KAZN: variants seen among roughly 807,000 people sequenced by gnomAD.
The protein encoded by KAZN is kazrin, periplakin interacting protein.
Under a neutral mutation model 87.4 loss-of-function variants are expected in KAZN, and 40 were observed. The observed-to-expected ratio is 0.46, with a 90% CI of 0.36 to 0.60. The LOEUF is 0.60. KAZN is among the 20% of genes least tolerant of loss of function. KAZN has a pLI of 0.00. For missense variants in KAZN, 898 were observed against 1,073.9 expected (o/e 0.84, Z 2.29); for synonymous variants, 466 against 458.3 (o/e 1.02, Z -0.22).
chr1:14,632,234 C>T (rs1178387365), intron 1 of KAZN, among the ~76,000 whole-genome samples: 1 of 152,110 alleles, frequency 6.6e-6, no homozygotes, highest in African/African-American at 2.4e-5. Flanking sequence ...TTTTATCAGT[C>T]AAAACATGTT....
chr1:14,019,241 A>G (rs1436478986), intron 1 of KAZN, among the ~76,000 whole-genome samples: 1 of 152,144 alleles, frequency 6.6e-6, no homozygotes, highest in Admixed American at 6.6e-5. Context: ...ATTAACTGCC[A>G]TGTTCCTGGT....
intron 2 of KAZN, among the ~76,000 whole-genome samples, chr1:15,033,020 A>T (rs1671887002): frequency 6.6e-6 from 1 of 151,738 alleles, no homozygotes; most frequent in Admixed American, 6.6e-5. Flanking sequence ...ACATGTACAG[A>T]TTTTTTTTTC....
intron 1 of KAZN, among the ~76,000 whole-genome samples, chr1:13,980,943 CA>C: frequency 6.6e-6 from 1 of 151,564 alleles, no homozygotes; most frequent in East Asian, 1.9e-4. Context: ...TTATGTATAG[CA>C]GTGAAAGGCT....
At chr1:14,864,522 A>G (rs1351912922) in intron 1 of KAZN, among the ~76,000 whole-genome samples, 1 of 152,222 alleles carries the variant, frequency 6.6e-6, no homozygotes, top group Non-Finnish European at 1.5e-5. Context: ...AGATTGTGCC[A>G]CTGCACTCCA....
At chr1:13,996,130 C>G (rs918117222) in intron 1 of KAZN, among the ~76,000 whole-genome samples, 1 of 152,192 alleles carries the variant, frequency 6.6e-6, no homozygotes, top group African/African-American at 2.4e-5. Context: ...CCCTCAACCC[C>G]CAGCCAAGGG....
At chr1:14,688,889 T>A (rs1202853417) in intron 1 of KAZN, among the ~76,000 whole-genome samples, 1 of 152,204 alleles carries the variant, frequency 6.6e-6, no homozygotes, top group East Asian at 1.9e-4. Context: ...TTTTTAAAAA[T>A]GCCAGTAAGA....
At chr1:14,459,730 G>T (rs1044623509) in intron 2 of KAZN, among the ~76,000 whole-genome samples, 1 of 152,110 alleles carries the variant, frequency 6.6e-6, no homozygotes. Context: ...TCTAACCTCC[G>T]AGGGCAAACA....
chr1:15,022,856 A>C (rs1051360837), intron 2 of KAZN, among the ~76,000 whole-genome samples: 1 of 152,138 alleles, frequency 6.6e-6, no homozygotes, highest in African/African-American at 2.4e-5. Flanking sequence ...TTCTACCTGG[A>C]TGGTCCTGGG....
rs1438327123 is a variant in KAZN, at chr1:14,447,208, C to CATCATTATT, written c.250-151773_250-151772insCATTATTAT. On this transcript the variant is annotated intron_variant, in intron 2 of 16. Transcript: ENST00000636203. ...CCCTTGGAACATGGCGTTTCCACCA[C>CATCATTATT]ATTATTATTATTATTATTATTATTA... Among the ~76,000 whole-genome samples, 274 of 131,178 alleles carry CATCATTATT rather than the reference C, an allele frequency of 2.1e-3. 1 individual carries two copies. Among genetic ancestry groups the CATCATTATT allele is most frequent in the Non-Finnish European group, 2.3e-3 (146 of 62,944 alleles). 86.1% of individuals were successfully genotyped at this position (131,178 alleles called of 152,430 possible).
intron 1 of KAZN, among the ~76,000 whole-genome samples, chr1:14,727,446 C>A: frequency 2.3e-5 from 1 of 43,442 alleles, no homozygotes; most frequent in Admixed American, 2.9e-4. Context: ...TTATTGTGCA[C>A]TTTCTTTTTT....
chr1:14,858,216 T>A (rs1260692822), intron 1 of KAZN, among the ~76,000 whole-genome samples: 1 of 53,744 alleles, frequency 1.9e-5, no homozygotes, highest in African/African-American at 6.5e-5. Context: ...TTTCTTTTCT[T>A]TTTTTTTTTT....
intron 2 of KAZN, among the ~76,000 whole-genome samples, chr1:14,527,549 CAAA>C (rs34649606): frequency 5.5e-5 from 6 of 108,852 alleles, no homozygotes; most frequent in Admixed American, 1.8e-4. Flanking sequence ...ACTCTGTCTC[CAAA>C]AAAAAAAAAA....
chr1:14,280,148 G>T (rs1652731591), intron 2 of KAZN, among the ~76,000 whole-genome samples: 1 of 151,870 alleles, frequency 6.6e-6, no homozygotes, highest in Non-Finnish European at 1.5e-5. Flanking sequence ...GGATCACAAG[G>T]TCAAGAGATC....
At chr1:14,868,069 T>C (rs545591124) in intron 1 of KAZN, among the ~76,000 whole-genome samples, 1 of 131,294 alleles carries the variant, frequency 7.6e-6, no homozygotes, top group African/African-American at 2.7e-5. Flanking sequence ...CAGCATTGCA[T>C]ACACAGGCAT....
At chr1:14,541,724 T>C (rs1298980564) in intron 2 of KAZN, among the ~76,000 whole-genome samples, 1 of 152,242 alleles carries the variant, frequency 6.6e-6, no homozygotes, top group Non-Finnish European at 1.5e-5. Flanking sequence ...TTTCTGTCTG[T>C]TCCAGCCCCT....
At chr1:15,029,115 C>T (rs929795888) in intron 2 of KAZN, among the ~76,000 whole-genome samples, 6 of 152,222 alleles carry the variant, frequency 3.9e-5, no homozygotes, top group Non-Finnish European at 5.9e-5. Flanking sequence ...TGACACCTGC[C>T]GCTTGTAGCT....
At chr1:14,447,208 C>CATT (rs55650123) in intron 2 of KAZN, among the ~76,000 whole-genome samples, 17,232 of 130,980 alleles carry the variant, frequency 0.13, 1,252 homozygotes, top group African/African-American at 0.18. Flanking sequence ...GTTTCCACCA[C>CATT]ATTATTATTA....
intron 1 of KAZN, among the ~76,000 whole-genome samples, chr1:14,909,565 G>C (rs1224247186): frequency 1.3e-5 from 2 of 152,158 alleles, no homozygotes; most frequent in East Asian, 3.9e-4. Flanking sequence ...TGCTGATCTA[G>C]ATTGCATCTT....
intron 1 of KAZN, among the ~76,000 whole-genome samples, chr1:14,066,350 G>T (rs182336459): frequency 1.6e-3 from 241 of 152,182 alleles, no homozygotes; most frequent in African/African-American, 5.5e-3. Flanking sequence ...TGGGATTGCC[G>T]GATCGAACGG....
Sources: gnomAD v4.1 joint callset for allele counts (sites outside exome capture counted in the v4.1 genomes callset) on GRCh38, gnomAD v4.1.1 for gene constraint, MANE v1.5 for transcripts, NCBI Gene and HGNC (gene_info 2026-07-23, HGNC 2026-07-21) for gene names.